The following DOCK9 variants were observed in gnomAD, a reference collection of about 807,000 sequenced individuals.
DOCK9 encodes dedicator of cytokinesis 9.
A neutral mutation model predicts 263.3 loss-of-function variants in DOCK9; 89 were observed. The ratio of observed to expected loss-of-function variants is 0.34; its 90% CI spans 0.28 to 0.40. The LOEUF (loss-of-function observed/expected upper bound fraction) is 0.40. Among genes scored for constraint, DOCK9 ranks in the 10% least tolerant of loss-of-function variants. The pLI, the probability that DOCK9 is intolerant of heterozygous loss-of-function variation, is 1.00. For synonymous variants in DOCK9, 976 were observed against 973.1 expected, an observed-to-expected ratio of 1.00 and a Z score of -0.06; for missense variants, 2,140 against 2,603.4, an observed-to-expected ratio of 0.82 and a Z score of 3.87.
chr13:98,842,320 C>T (rs1401401958), intron 38 of DOCK9, among the ~76,000 whole-genome samples: 1 of 152,218 alleles, frequency 6.6e-6, no homozygotes, highest in Non-Finnish European at 1.5e-5. Flanking sequence ...CAGCTCAGCA[C>T]ATGCCACTCA....
rs201145120 is a variant in DOCK9, at chr13:98,902,384, G to A, written c.1284C>T (p.Leu428=). 112 of 1,613,986 alleles carry A rather than the reference G, an allele frequency of 6.9e-5. 1 individual carries two copies. The South Asian group carries it at 7.9e-4, about 11-fold the overall frequency. Residue 428 remains leucine (L), a synonymous_variant, in exon 12 of 53, where the codon CTC becomes CTT. Coordinates refer to ENST00000682017, the MANE Select transcript of DOCK9 (RefSeq NM_001366683.2). ...DLNHFSVRQM[L]ATTSPALMNG... ...TCATCAGCGCCGGGGACGTGGTGGC[G>A]AGCATTTGCCTCACTGAGAAATGGT...
chr13:98,873,516 C>G (rs1193817863), intron 27 of DOCK9, among the ~76,000 whole-genome samples: 1 of 152,208 alleles, frequency 6.6e-6, no homozygotes, highest in Non-Finnish European at 1.5e-5. Context: ...ACCAGCATCC[C>G]TTGCAGCTAG....
rs9670634 is a variant in DOCK9 at position 99,023,641 on chromosome 13, A to G, written c.129+62582T>C. 5.1e-3 allele frequency among the ~76,000 whole-genome samples: 782 copies of G among 152,338 alleles called. 7 individuals are homozygous for G. The highest frequency in any genetic ancestry group is 0.018 in the African/African-American group (738 of 41,572). On this transcript the variant is annotated intron_variant, in intron 1 of 32. Transcript: ENST00000427887. ...GTTAAGGTGATAAATCTTATGTTAC[A>G]GGTATCTTTCCATATTTTTTAAAAA... is the stretch of plus-strand genomic sequence containing the variant.
intron 30 of DOCK9, 141 bp from the exon 31 acceptor site, chr13:98,863,689 G>A (rs1207306073): frequency 5.9e-6 from 5 of 842,762 alleles, no homozygotes; most frequent in Non-Finnish European, 9.0e-6. Context: ...ATCAGACTTG[G>A]CTTCAAATGA....
chr13:99,025,376 A>C (rs915979972), intron 1 of DOCK9: 1 of 152,196 alleles, frequency 6.6e-6, no homozygotes, highest in Non-Finnish European at 1.5e-5. Flanking sequence ...AAAACAAAAC[A>C]GATAGGACAA....
chr13:98,880,763 T>C (rs2142658098), intron 25 of DOCK9, 91 bp from the exon 26 acceptor site: 1 of 1,473,918 alleles, frequency 6.8e-7, no homozygotes, highest in East Asian at 2.4e-5. Context: ...GATCAGGGAC[T>C]GAGCTACAAT....
intron 41 of DOCK9, among the ~76,000 whole-genome samples, chr13:98,831,129 T>C (rs2092745595): frequency 6.6e-6 from 1 of 152,198 alleles, no homozygotes; most frequent in Non-Finnish European, 1.5e-5. Flanking sequence ...ATTGATTCAA[T>C]ATTTAAATGT....
intron 1 of DOCK9, among the ~76,000 whole-genome samples, chr13:99,027,956 A>G (rs766909611): frequency 1.3e-5 from 2 of 152,220 alleles, no homozygotes; most frequent in Non-Finnish European, 2.9e-5. Context: ...AACATTCTGA[A>G]AGATGGAGTT....
Position 98,855,972 on chromosome 13 carries a change from C to G in DOCK9, c.3757G>C (p.Gly1253Arg). Residue 1253 changes from glycine to arginine, a missense_variant, in exon 34 of 53, where the codon GGA becomes CGA. Gly to Arg is a moderately radical substitution (Grantham distance 125). Coordinates refer to ENST00000682017, the MANE Select transcript of DOCK9 (RefSeq NM_001366683.2). ...CCCGAATCTGTGCTTATGAGAGATC[C>G]TCTCGAATCAGCATTTCTCACACTG... ...INSVRNADSR[G>R]SLISTDSGNS... 1.2e-6 allele frequency: 2 copies of G among 1,613,900 alleles called. No homozygotes were observed. The highest frequency in any genetic ancestry group is 1.7e-6 in the Non-Finnish European group (2 of 1,179,810).
At position 98,958,484 on chromosome 13, in the gene DOCK9, C is replaced by T. The variant is rs77891181; in HGVS notation, c.127-2933G>A. ...ATTCTTGTATTCTTAGAGCAGGAGT[C>T]GACAACTCTTTCTGTAAAGGACTTT... On this transcript the variant is annotated intron_variant, in intron 1 of 52. Coordinates refer to ENST00000682017, the MANE Select transcript of DOCK9 (RefSeq NM_001366683.2). 9.2e-5 allele frequency among the ~76,000 whole-genome samples: 14 copies of T among 152,364 alleles called. No individual in the cohort carries two copies. The South Asian group carries it at 2.5e-3, about 27-fold the overall frequency.
Position 98,922,043 on chromosome 13 carries a change from GTCC to G in DOCK9, c.582+5_582+7del. ...GAGAGGGGAGGGCAAAGTGATGTGC[GTCC>G]TCACCCTCATGGTCACGCTGATGGC... On this transcript the variant is annotated splice_donor_5th_base_variant and intron_variant, in intron 6 of 52. Coordinates refer to ENST00000682017, the MANE Select transcript of DOCK9 (RefSeq NM_001366683.2). 1 of 1,581,324 alleles carries G rather than the reference GTCC, an allele frequency of 6.3e-7. No homozygotes were observed. The highest frequency in any genetic ancestry group is 1.2e-5 in the South Asian group (1 of 86,256).
chr13:98,919,194 C>A (rs1182094592), intron 7 of DOCK9, among the ~76,000 whole-genome samples: 1 of 151,708 alleles, frequency 6.6e-6, no homozygotes, highest in African/African-American at 2.4e-5. Context: ...ACTGCAACCT[C>A]CGCCTCCCAG....
chr13:98,948,400 A>C (rs2140813946), intron 2 of DOCK9, among the ~76,000 whole-genome samples: 1 of 152,340 alleles, frequency 6.6e-6, no homozygotes, highest in South Asian at 2.1e-4. Flanking sequence ...GTAATACACC[A>C]TGAATATCAG....
chr13:98,796,233 G>A (rs373938974), intron 52 of DOCK9: 5 of 1,583,440 alleles, frequency 3.2e-6, no homozygotes, highest in Non-Finnish European at 4.3e-6. Context: ...TTAGCATGGA[G>A]GAGAAAAAAA....
At chr13:98,801,545 G>T (rs2090108026) in intron 49 of DOCK9, among the ~76,000 whole-genome samples, 3 of 151,926 alleles carry the variant, frequency 2.0e-5, no homozygotes, top group Non-Finnish European at 2.9e-5. Flanking sequence ...TCAACACAAA[G>T]GAGTTAATTT....
intron 2 of DOCK9, among the ~76,000 whole-genome samples, chr13:98,952,876 A>AC (rs1446657698): frequency 1.3e-5 from 2 of 152,130 alleles, no homozygotes; most frequent in Non-Finnish European, 2.9e-5. Flanking sequence ...GCAGTAAATC[A>AC]CCCCTCAGCA....
intron 1 of DOCK9, among the ~76,000 whole-genome samples, chr13:98,971,076 G>A (rs1224357593): frequency 1.3e-5 from 2 of 152,198 alleles, no homozygotes; most frequent in Non-Finnish European, 2.9e-5. Context: ...GATCAAAGAT[G>A]CTAACACTAG....
intron 2 of DOCK9, among the ~76,000 whole-genome samples, chr13:98,942,449 A>G (rs1315812546): frequency 6.6e-6 from 1 of 152,070 alleles, no homozygotes; most frequent in Non-Finnish European, 1.5e-5. Context: ...CGTGTTAGCC[A>G]GGATGGTCTC....
At chr13:98,975,808 T>C (rs891811266) in intron 1 of DOCK9, among the ~76,000 whole-genome samples, 2 of 152,224 alleles carry the variant, frequency 1.3e-5, no homozygotes, top group Non-Finnish European at 2.9e-5. Context: ...CTAGGTATAA[T>C]GCATTCAAAT....
Sources: allele counts gnomAD v4.1 joint callset (sites outside exome capture counted in the v4.1 genomes callset), GRCh38; gene constraint gnomAD v4.1.1; transcripts MANE v1.5; gene names NCBI Gene and HGNC (gene_info 2026-07-23, HGNC 2026-07-21).